Variants in OPCML observed in about 807,000 individuals in gnomAD.
The protein encoded by OPCML is opioid-binding protein/cell adhesion molecule.
A neutral mutation model predicts 37.8 loss-of-function variants in OPCML; 13 were observed. The ratio of observed to expected loss-of-function variants is 0.34; its 90% CI spans 0.22 to 0.55. The LOEUF (loss-of-function observed/expected upper bound fraction) is 0.55. OPCML is among the 20% of genes least tolerant of loss of function. OPCML has a pLI of 0.91. For synonymous variants in OPCML, 176 were observed against 168.8 expected, an observed-to-expected ratio of 1.04 and a Z score of -0.33; for missense variants, 341 against 435.6, an observed-to-expected ratio of 0.78 and a Z score of 1.93.
chr11:132,925,707 A>T (rs1329169040), intron 2 of OPCML, among the ~76,000 whole-genome samples: 1 of 152,224 alleles, frequency 6.6e-6, no homozygotes, highest in Non-Finnish European at 1.5e-5. Context: ...GAATCTCTGT[A>T]TCTACCTGTC....
intron 4 of OPCML, among the ~76,000 whole-genome samples, chr11:132,526,771 G>T (rs2096309639): frequency 6.6e-6 from 1 of 151,940 alleles, no homozygotes; most frequent in African/African-American, 2.4e-5. Context: ...ACAATAAAAT[G>T]CACTTTTTTT....
intron 4 of OPCML, among the ~76,000 whole-genome samples, chr11:132,449,787 G>A (rs2096064113): frequency 6.6e-6 from 1 of 152,184 alleles, no homozygotes; most frequent in African/African-American, 2.4e-5. Context: ...TCCAGCCTCG[G>A]TTTCTTTATC....
In OPCML at chr11:133,421,203, A is replaced by G. The variant is rs371952857; in HGVS notation, c.61+111061T>C. The G allele has an allele frequency of 8.1e-6, 8 of 985,360 alleles. No homozygotes were observed. In the Admixed American group the frequency reaches 4.3e-4, roughly 53 times the overall value. The allele number at this position is 985,360 out of a possible 1,614,324, so 61.0% of individuals were successfully genotyped here. A position where few individuals can be genotyped will look rare whatever the true frequency, so the allele number is the denominator to read the frequency against. On this transcript the variant is annotated intron_variant, in intron 1 of 7. Transcript: ENST00000524381. Reference sequence around the variant, plus strand: ...GATAGCTCTCAGTTGCAAGGGAAAGAGCAATGCGTTCCAAGAAGCAAGATC... The same window carrying G: ...GATAGCTCTCAGTTGCAAGGGAAAGGGCAATGCGTTCCAAGAAGCAAGATC...
chr11:133,008,959 A>C (rs1947163814), intron 1 of OPCML: 2 of 985,298 alleles, frequency 2.0e-6, no homozygotes, highest in African/African-American at 3.5e-5. Flanking sequence ...AATTTTCTAC[A>C]TTACTGAGGA....
chr11:133,488,499 T>C (rs1036679099), intron 1 of OPCML, among the ~76,000 whole-genome samples: 1 of 151,950 alleles, frequency 6.6e-6, no homozygotes, highest in Non-Finnish European at 1.5e-5. Flanking sequence ...TGCAACCCCA[T>C]TTACAACAGC....
At chr11:132,880,254 A>T (rs1224405783) in intron 2 of OPCML, among the ~76,000 whole-genome samples, 2 of 152,122 alleles carry the variant, frequency 1.3e-5, no homozygotes, top group African/African-American at 4.8e-5. Flanking sequence ...AAATCTACAC[A>T]CTCACAAACG....
chr11:132,613,797 G>A (rs998304741), intron 3 of OPCML, among the ~76,000 whole-genome samples: 8 of 152,114 alleles, frequency 5.3e-5, no homozygotes, highest in Admixed American at 3.3e-4. Context: ...AATCTGGGAA[G>A]CAAAATTATG....
At chr11:132,618,280 T>A (rs562815187) in intron 3 of OPCML, among the ~76,000 whole-genome samples, 1 of 152,198 alleles carries the variant, frequency 6.6e-6, no homozygotes, top group African/African-American at 2.4e-5. Context: ...TTGTCTGTCA[T>A]ACCAAATTCT....
chr11:132,875,236 C>T (rs1389067520), intron 2 of OPCML, among the ~76,000 whole-genome samples: 2 of 152,128 alleles, frequency 1.3e-5, no homozygotes, highest in Non-Finnish European at 2.9e-5. Context: ...CTTTTCTAGA[C>T]TGAAAAGTAA....
At chr11:132,650,195 G>A (rs1223478893) in intron 3 of OPCML, among the ~76,000 whole-genome samples, 4 of 152,250 alleles carry the variant, frequency 2.6e-5, no homozygotes, top group South Asian at 4.1e-4. Flanking sequence ...CCCCTAACTA[G>A]CAGTGTTAGT....
intron 1 of OPCML, among the ~76,000 whole-genome samples, chr11:133,329,653 G>T (rs1162204512): frequency 6.6e-6 from 1 of 152,250 alleles, no homozygotes; most frequent in African/African-American, 2.4e-5. Flanking sequence ...AGCTGAAACT[G>T]GATCCCTTCC....
chr11:133,173,960 C>G lies in OPCML; in HGVS notation c.62-230950G>C, dbSNP rs926857252. 6.6e-6 allele frequency among the ~76,000 whole-genome samples: 1 copy of G among 152,182 alleles called. No homozygotes were observed. The highest frequency in any genetic ancestry group is 1.5e-5 in the Non-Finnish European group (1 of 68,036). On this transcript the variant is annotated intron_variant, in intron 1 of 7. Transcript: ENST00000524381. This position sits in a 1 kb window ranked among gnomAD's most constrained non-coding sequence, Gnocchi z 7.8. ...CCCTCCATCCATTCTACAAGGATCC[C>G]CAGTCAGCCAATGCACCGGGACGCT...
chr11:133,196,480 G>A (rs1261582030), intron 1 of OPCML, among the ~76,000 whole-genome samples: 1 of 152,158 alleles, frequency 6.6e-6, no homozygotes, highest in South Asian at 2.1e-4. Flanking sequence ...CTTGGTGAAG[G>A]CTATTTTCTA....
At chr11:133,023,823 A>AT (rs1947498010) in intron 1 of OPCML, among the ~76,000 whole-genome samples, 1 of 152,258 alleles carries the variant, frequency 6.6e-6, no homozygotes. Flanking sequence ...AGGCTGACTC[A>AT]TAGTGATGGA....
intron 1 of OPCML, among the ~76,000 whole-genome samples, chr11:133,527,511 G>T (rs1042534121): frequency 1.3e-5 from 2 of 152,114 alleles, no homozygotes; most frequent in Non-Finnish European, 2.9e-5. Flanking sequence ...TCATCACTGT[G>T]ACAAAGACAT....
At chr11:132,987,137 G>A (rs1946694628) in intron 1 of OPCML, among the ~76,000 whole-genome samples, 1 of 152,122 alleles carries the variant, frequency 6.6e-6, no homozygotes, top group African/African-American at 2.4e-5. Context: ...CCCAATCCCT[G>A]TCCTCTAGAA....
intron 2 of OPCML, among the ~76,000 whole-genome samples, chr11:132,716,404 A>ATCTG (rs200276065): frequency 2.2e-4 from 9 of 40,912 alleles, no homozygotes; most frequent in Admixed American, 9.6e-4. Flanking sequence ...CTATCTATCT[A>ATCTG]TCTGTCTGTC....
chr11:132,761,986 G>T (rs1043005051), intron 2 of OPCML, among the ~76,000 whole-genome samples: 2 of 152,154 alleles, frequency 1.3e-5, no homozygotes, highest in East Asian at 3.9e-4. Flanking sequence ...CCTTTGGATG[G>T]GTTTTTGCGT....
intron 2 of OPCML, among the ~76,000 whole-genome samples, chr11:132,723,369 C>G (rs1944750096): frequency 6.6e-6 from 1 of 152,160 alleles, no homozygotes; most frequent in Admixed American, 6.5e-5. Flanking sequence ...TTGAGCCAAG[C>G]AGATTTGGGG....
Sources: allele counts gnomAD v4.1 joint callset (sites outside exome capture counted in the v4.1 genomes callset), GRCh38; gene constraint gnomAD v4.1.1; non-coding constraint Gnocchi (gnomAD v3.1); transcripts MANE v1.5; gene names NCBI Gene and HGNC (gene_info 2026-07-23, HGNC 2026-07-21).